LYRM4: variants seen among roughly 807,000 people sequenced by gnomAD.
LYRM4 encodes the protein LYR motif containing 4.
A neutral mutation model predicts 11.7 loss-of-function variants in LYRM4; 9 were observed. The observed-to-expected ratio is 0.77, with a 90% CI of 0.46 to 1.34. The LOEUF (loss-of-function observed/expected upper bound fraction) is 1.34. LYRM4 is among the 40% of genes most tolerant of loss of function. LYRM4 has a pLI of 0.00. For synonymous variants in LYRM4, 42 were observed against 40.4 expected, an observed-to-expected ratio of 1.04 and a Z score of -0.15; for missense variants, 133 against 112.5, an observed-to-expected ratio of 1.18 and a Z score of -0.82.
intron 2 of LYRM4, chr6:5,132,702 CA>C (rs571202860): frequency 1.8e-3 from 279 of 152,324 alleles, no homozygotes; most frequent in African/African-American, 6.6e-3. Flanking sequence ...TCTTGGATCA[CA>C]TAAGTGGAAC....
chr6:5,215,029 CCAGTT>C (rs578155669), intron 2 of LYRM4, among the ~76,000 whole-genome samples: 70 of 144,766 alleles, frequency 4.8e-4, no homozygotes, highest in African/African-American at 1.6e-3. Context: ...CAGATGAGGG[CCAGTT>C]TAGTATTTTT....
the LYRM4 span, among the ~76,000 whole-genome samples, chr6:5,070,057 T>C: frequency 9.2e-5 from 14 of 152,250 alleles, no homozygotes; most frequent in Admixed American, 8.5e-4. Flanking sequence ...ATGTTCATAA[T>C]GGAGCAACAC....
chr6:5,216,004 C>T lies in LYRM4; in HGVS notation c.207+614G>A, dbSNP rs115967996. 3.2e-4 allele frequency among the ~76,000 whole-genome samples: 48 copies of T among 152,236 alleles called. 1 individual carries two copies. The highest frequency in any genetic ancestry group is 2.8e-3 in the Admixed American group (43 of 15,292). On this transcript the variant is annotated intron_variant, in intron 2 of 2. Coordinates refer to ENST00000330636, the MANE Select transcript of LYRM4 (RefSeq NM_020408.6). ...TATCAGACCACGCAGGAGATCATGC[C>T]GCTGCACATGCTCCACCCACCTCAT...
downstream of LYRM4, among the ~76,000 whole-genome samples, chr6:5,100,375 G>A (rs1021365540): frequency 6.6e-6 from 1 of 152,122 alleles, no homozygotes; most frequent in Non-Finnish European, 1.5e-5. Context: ...GGTTGCATAC[G>A]TCTCTCCTTC....
At chr6:5,165,318 A>T (rs1319026955) in intron 2 of LYRM4, among the ~76,000 whole-genome samples, 1 of 152,204 alleles carries the variant, frequency 6.6e-6, no homozygotes, top group Non-Finnish European at 1.5e-5. Flanking sequence ...AAGAACTGTA[A>T]TGCAATATCA....
Position 5,256,035 on chromosome 6 carries a change from A to G in LYRM4, c.86+4613T>C, listed in dbSNP as rs558879174. ...AACTCACCACAGTGGTGCCGACTAC[A>G]GCCCCCATTAACAAAGAATTAGCTG... On this transcript the variant is annotated intron_variant, in intron 1 of 2. Transcript: ENST00000330636. 2.6e-5 allele frequency among the ~76,000 whole-genome samples: 4 copies of G among 151,878 alleles called. No homozygotes were observed. In the East Asian group the frequency reaches 7.9e-4, roughly 30 times the overall value.
intron 2 of LYRM4, among the ~76,000 whole-genome samples, chr6:5,180,690 C>T (rs1284920261): frequency 1.3e-5 from 2 of 152,222 alleles, no homozygotes; most frequent in Non-Finnish European, 2.9e-5. Context: ...GCTGCTCTGC[C>T]AGCGTGGACC....
At chr6:5,062,081 CTT>C in the LYRM4 span, among the ~76,000 whole-genome samples, 27 of 117,258 alleles carry the variant, frequency 2.3e-4, no homozygotes, top group African/African-American at 7.8e-4. Context: ...CTTCCTTCTT[CTT>C]TTTTTTTTTT....
At chr6:5,041,616 T>C in the LYRM4 span, among the ~76,000 whole-genome samples, 1 of 152,210 alleles carries the variant, frequency 6.6e-6, no homozygotes, top group African/African-American at 2.4e-5. Context: ...CTGCTGTGAA[T>C]TTTTTTGTCA....
At chr6:5,112,638 T>C (rs1762935680) in intron 2 of LYRM4, among the ~76,000 whole-genome samples, 1 of 152,200 alleles carries the variant, frequency 6.6e-6, no homozygotes. Context: ...CAGAAATCTC[T>C]GAGTCAGGAA....
chr6:5,101,695 G>C (rs183630149), downstream of LYRM4, among the ~76,000 whole-genome samples: 108 of 152,226 alleles, frequency 7.1e-4, no homozygotes, highest in African/African-American at 2.5e-3. Context: ...GCTAGTGGCT[G>C]GGCTGGGGTT....
At chr6:5,044,337 G>T in the LYRM4 span, among the ~76,000 whole-genome samples, 1 of 151,814 alleles carries the variant, frequency 6.6e-6, no homozygotes, top group Non-Finnish European at 1.5e-5. Flanking sequence ...CACCATGTTG[G>T]CCAGGCTGGT....
intron 1 of LYRM4, among the ~76,000 whole-genome samples, chr6:5,218,996 T>C (rs1339597323): frequency 1.3e-5 from 2 of 152,208 alleles, no homozygotes; most frequent in African/African-American, 4.8e-5. Context: ...AATTCTAATA[T>C]TTGTTCCACA....
intron 1 of LYRM4, among the ~76,000 whole-genome samples, chr6:5,238,025 C>G (rs1361953633): frequency 6.6e-6 from 1 of 152,160 alleles, no homozygotes; most frequent in East Asian, 1.9e-4. Context: ...AGAACCAGAC[C>G]TGAGGCCGTG....
the LYRM4 span, chr6:5,085,464 A>C: frequency 6.6e-7 from 1 of 1,510,186 alleles, no homozygotes; most frequent in Admixed American, 2.0e-5. Flanking sequence ...CGGCCCGAGC[A>C]AGTCCAGGGG....
intron 2 of LYRM4, among the ~76,000 whole-genome samples, chr6:5,158,120 T>C (rs995735515): frequency 6.6e-6 from 1 of 152,078 alleles, no homozygotes; most frequent in African/African-American, 2.4e-5. Context: ...AAATGTATAA[T>C]GTATATGTCT....
intron 2 of LYRM4, chr6:5,136,953 AT>A: frequency 1.9e-6 from 1 of 534,450 alleles, no homozygotes; most frequent in Non-Finnish European, 2.4e-6. Flanking sequence ...GAGCATTTTC[AT>A]TACCCCCAAG....
the LYRM4 span, chr6:5,066,075 A>G: frequency 4.8e-6 from 2 of 414,744 alleles, no homozygotes; most frequent in Non-Finnish European, 9.2e-6. Context: ...AATTTCCATG[A>G]GGAGTCATTC....
the LYRM4 span, among the ~76,000 whole-genome samples, chr6:5,069,979 C>T: frequency 6.6e-6 from 1 of 152,216 alleles, no homozygotes; most frequent in East Asian, 1.9e-4. Context: ...GACACGTAAT[C>T]ACAGCAAGAA....
Sources: gnomAD v4.1 joint callset for allele counts (sites outside exome capture counted in the v4.1 genomes callset) on GRCh38, gnomAD v4.1.1 for gene constraint, MANE v1.5 for transcripts, NCBI Gene and HGNC (gene_info 2026-07-23, HGNC 2026-07-21) for gene names.